SRGAP3: variants seen among roughly 807,000 people sequenced by gnomAD.
SRGAP3 encodes the protein SLIT-ROBO Rho GTPase activating protein 3, also known as SLIT-ROBO Rho GTPase-activating protein 3.
A neutral mutation model predicts 121.1 loss-of-function variants in SRGAP3; 39 were observed. That is an observed-to-expected ratio of 0.32 (90% confidence interval 0.25 to 0.42). The LOEUF is 0.42. SRGAP3 is among the 10% of genes least tolerant of loss of function. The pLI is 1.00. For missense variants in SRGAP3, 1,213 were observed against 1,470.6 expected (o/e 0.82, Z 2.86); for synonymous variants, 601 against 570.0 (o/e 1.05, Z -0.77).
At chr3:9,193,906 G>A (rs1433169260) in intron 1 of SRGAP3, 4 of 152,326 alleles carry the variant, frequency 2.6e-5, no homozygotes, top group African/African-American at 9.6e-5. Flanking sequence ...GCCGCCCTCG[G>A]AGGCAACACT....
intron 3 of SRGAP3, among the ~76,000 whole-genome samples, chr3:9,305,358 CCTCT>C (rs1396156639): frequency 7.1e-6 from 1 of 140,454 alleles, no homozygotes; most frequent in Admixed American, 7.1e-5. Flanking sequence ...CACAGGAGGT[CCTCT>C]CTTTTTTTTT....
chr3:9,157,449 A>G (rs999440989), intron 1 of SRGAP3, among the ~76,000 whole-genome samples: 4 of 152,230 alleles, frequency 2.6e-5, no homozygotes, highest in African/African-American at 7.2e-5. Flanking sequence ...CATATCAAAT[A>G]CCATAAGAGC....
In SRGAP3 at chr3:9,203,826, T is replaced by G. The variant is rs6795371; in HGVS notation, c.67+45059A>C. On this transcript the variant is annotated intron_variant, in intron 1 of 21. Transcript: ENST00000383836. ...TGTGTTCACATAGCCCTTTACAACG[T>G]GCAAATGGCTTTCATACCCGGGATT... is the stretch of plus-strand genomic sequence containing the variant. Among the ~76,000 whole-genome samples, 273 of 152,320 alleles carry G rather than the reference T, an allele frequency of 1.8e-3. 1 individual carries two copies. The highest frequency in any genetic ancestry group is 6.3e-3 in the African/African-American group (261 of 41,572).
chr3:9,234,840 G>T (rs1396562988), intron 1 of SRGAP3, among the ~76,000 whole-genome samples: 3 of 152,208 alleles, frequency 2.0e-5, no homozygotes, highest in African/African-American at 4.8e-5. Context: ...TACCAGCAGG[G>T]AGGGTCTCCA....
chr3:9,202,788 C>A (rs1952112951), intron 1 of SRGAP3, among the ~76,000 whole-genome samples: 1 of 152,266 alleles, frequency 6.6e-6, no homozygotes, highest in South Asian at 2.1e-4. Context: ...ATGCCCCATG[C>A]CAGGAGGGCA....
intron 1 of SRGAP3, among the ~76,000 whole-genome samples, chr3:9,247,857 C>T (rs190550516): frequency 2.2e-3 from 340 of 152,366 alleles, no homozygotes; most frequent in Non-Finnish European, 4.2e-3. Flanking sequence ...AGGGCACATC[C>T]TCAGAGAAAG....
Position 9,356,210 on chromosome 3 carries a change from T to TTTTTTTTTTG in SRGAP3, n.214+6629_214+6630insCAAAAAAAAA, listed in dbSNP as rs1559291019. 2.1e-5 allele frequency among the ~76,000 whole-genome samples: 3 copies of TTTTTTTTTTG among 139,958 alleles called. 1 individual carries two copies. The highest frequency in any genetic ancestry group is 8.6e-5 in the African/African-American group (3 of 34,722). 91.8% of individuals were successfully genotyped at this position (139,958 alleles called of 152,430 possible). On this transcript the variant is annotated intron_variant and non_coding_transcript_variant, in intron 1 of 3. Transcript: ENST00000490889. ...TTTTTTTCTTTTTTTTTTTTTTTTT[T>TTTTTTTTTTG]TGAGACAGGATCTCACTGTCACCCA...
chr3:9,177,859 G>C (rs1025072229), intron 1 of SRGAP3, among the ~76,000 whole-genome samples: 4 of 152,174 alleles, frequency 2.6e-5, no homozygotes, highest in Non-Finnish European at 5.9e-5. Context: ...CCTGGCCATA[G>C]GGATAGACCC....
At chr3:9,139,108 C>G (rs1949764131) in intron 1 of SRGAP3, among the ~76,000 whole-genome samples, 1 of 152,208 alleles carries the variant, frequency 6.6e-6, no homozygotes, top group Admixed American at 6.5e-5. Flanking sequence ...GTCCATAGTT[C>G]TTCATTTGCA....
intron 1 of SRGAP3, among the ~76,000 whole-genome samples, chr3:9,333,026 G>A (rs1337711459): frequency 5.3e-5 from 8 of 152,172 alleles, no homozygotes; most frequent in African/African-American, 1.9e-4. Flanking sequence ...ATGGCAGGGG[G>A]AAAAAATACG....
At chr3:9,051,017 CTTTTTTTTTTTTTTTT>C (rs71049766) in intron 9 of SRGAP3, among the ~76,000 whole-genome samples, 1 of 81,858 alleles carries the variant, frequency 1.2e-5, no homozygotes, top group Admixed American at 1.8e-4. Flanking sequence ...AGCCTCATTG[CTTTTTTTTTTTTTTTT>C]TTTTTTTTTT....
chr3:9,175,085 C>T (rs1560343001), intron 1 of SRGAP3, among the ~76,000 whole-genome samples: 1 of 152,152 alleles, frequency 6.6e-6, no homozygotes, highest in Non-Finnish European at 1.5e-5. Context: ...AACACAGGCC[C>T]TGTCAGCCAA....
chr3:9,192,745 C>T (rs919312540), intron 1 of SRGAP3: 2 of 152,090 alleles, frequency 1.3e-5, no homozygotes, highest in African/African-American at 4.8e-5. Flanking sequence ...GTTTTGGGAC[C>T]CCCATCACAG....
chr3:8,985,567 G>C lies in SRGAP3; in HGVS notation c.3252C>G (p.Thr1084=). 3 of 1,598,670 alleles carry C rather than the reference G, an allele frequency of 1.9e-6. No individual in the cohort carries two copies. Among genetic ancestry groups the C allele is most frequent in the Non-Finnish European group, 2.5e-6 (3 of 1,179,410 alleles). Residue 1084 remains threonine (T), a synonymous_variant, in exon 22 of 22, where the codon ACC becomes ACG. Coordinates refer to ENST00000383836, the MANE Select transcript of SRGAP3 (RefSeq NM_014850.4). The surrounding 1 kb of genome is among the most constrained non-coding windows in gnomAD (Gnocchi z 5.1). ...SGVGSPAVTP[T]EKMFPNSSAD... ...CTGAGCTGTTGGGGAACATCTTCTC[G>C]GTGGGCGTCACGGCCGGGCTGCCCA... is the stretch of plus-strand genomic sequence containing the variant.
intron 5 of SRGAP3, among the ~76,000 whole-genome samples, chr3:9,060,851 A>T (rs950213477): frequency 6.6e-6 from 1 of 152,072 alleles, no homozygotes; most frequent in Non-Finnish European, 1.5e-5. Context: ...GGACTCAGGC[A>T]GCTCCCCTTA....
At chr3:8,998,914 C>T (rs911337213) in intron 18 of SRGAP3, among the ~76,000 whole-genome samples, 2 of 152,166 alleles carry the variant, frequency 1.3e-5, no homozygotes, top group African/African-American at 2.4e-5. Context: ...CCAGTAGATA[C>T]AGTGATGAGC....
intron 3 of SRGAP3, among the ~76,000 whole-genome samples, chr3:9,324,241 G>A (rs1345370767): frequency 6.6e-6 from 1 of 151,894 alleles, no homozygotes; most frequent in Non-Finnish European, 1.5e-5. Flanking sequence ...TCATCCACAA[G>A]GACTCAAACA....
In SRGAP3 at chr3:9,124,785, A is replaced by C. The variant is rs369362503; in HGVS notation, c.200T>G (p.Leu67Arg). ...AEIELEYSRS[L>R]EKLAERFSSK... is the part of the protein sequence containing the mutation. ...GGAGAAGCGCTCAGCCAGCTTCTCC[A>C]GGCTGCGGGAGTACTCGAGCTCAAT... The change falls in exon 2 of 22, where the codon CTG becomes CGG. Residue 67 changes from leucine to arginine, a missense_variant. By Grantham distance (102) the Leu-to-Arg change is moderately radical. This residue lies in a region of SRGAP3 where 793 missense variants were observed against 1,032.9 expected (regional missense o/e 0.77). Transcript: ENST00000383836. 1 of 1,614,106 alleles carries C rather than the reference A, an allele frequency of 6.2e-7. No individual in the cohort carries two copies. The highest frequency in any genetic ancestry group is 8.5e-7 in the Non-Finnish European group (1 of 1,180,060).
Position 9,058,468 on chromosome 3 carries a change from C to T in SRGAP3, c.806G>A (p.Cys269Tyr), listed in dbSNP as rs1428666718. The change falls in exon 7 of 22, where the codon TGT (cysteine) becomes TAT (tyrosine). Residue 269 changes from cysteine (C) to tyrosine (Y), a missense_variant. Cys to Tyr is a radical substitution (Grantham distance 194). Around this residue, in one of 2 missense-constraint regions of SRGAP3, gnomAD observed 793 missense variants for 1,032.9 expected, o/e 0.77. Coordinates refer to ENST00000383836, the MANE Select transcript of SRGAP3 (RefSeq NM_014850.4). ...IHDVSDLIDC[C>Y]DLGFHASLAR... is the part of the protein sequence containing the mutation. Reference sequence around the variant, plus strand: ...CAGGCTGGCATGGAAGCCCAAATCACAGCACTTGGGGAGAGGCAACAACGG... The same window carrying T: ...CAGGCTGGCATGGAAGCCCAAATCATAGCACTTGGGGAGAGGCAACAACGG... 1 of 1,613,718 alleles carries T rather than the reference C, an allele frequency of 6.2e-7. No homozygotes were observed. Among genetic ancestry groups the T allele is most frequent in the Non-Finnish European group, 8.5e-7 (1 of 1,180,048 alleles).
Sources: allele counts gnomAD v4.1 joint callset (sites outside exome capture counted in the v4.1 genomes callset), GRCh38; gene constraint gnomAD v4.1.1; regional missense constraint gnomAD v4.1.1; non-coding constraint Gnocchi (gnomAD v3.1); transcripts MANE v1.5; gene names NCBI Gene and HGNC (gene_info 2026-07-23, HGNC 2026-07-21).